GARIN2: variants seen among roughly 807,000 people sequenced by gnomAD.
GARIN2 encodes the protein Golgi-associated RAB2 interactor protein 2.
the GARIN2 span, chr14:67,199,402 G>A: frequency 1.3e-5 from 21 of 1,613,836 alleles, no homozygotes; most frequent in Non-Finnish European, 1.8e-5. Flanking sequence ...TTGATGAGAA[G>A]TTGCTTTATG....
chr14:67,224,787 T>G, the GARIN2 span: 1 of 246,982 alleles, frequency 4.0e-6, no homozygotes, highest in Non-Finnish European at 7.9e-6. Flanking sequence ...CATCTTTCTT[T>G]TCCATGTTCC....
At chr14:67,226,835 A>G in the GARIN2 span, among the ~76,000 whole-genome samples, 1 of 152,160 alleles carries the variant, frequency 6.6e-6, no homozygotes. Context: ...TTCCCCCTTA[A>G]GAATGCTCCT....
chr14:67,220,796 C>G, the GARIN2 span, among the ~76,000 whole-genome samples: 1 of 152,258 alleles, frequency 6.6e-6, no homozygotes. Context: ...TTGATAAAGA[C>G]TATATGAATA....
At chr14:67,203,567 A>G in the GARIN2 span, among the ~76,000 whole-genome samples, 2 of 152,196 alleles carry the variant, frequency 1.3e-5, no homozygotes, top group Non-Finnish European at 2.9e-5. Context: ...CTCCTCTTCC[A>G]CAGCATCCCA....
the GARIN2 span, among the ~76,000 whole-genome samples, chr14:67,225,988 T>C: frequency 1.5e-5 from 2 of 136,862 alleles, no homozygotes; most frequent in Admixed American, 7.3e-5. Context: ...CGCATGCGCG[T>C]GCATGCTCAT....
chr14:67,196,223 CTT>C, the GARIN2 span, among the ~76,000 whole-genome samples: 11 of 143,032 alleles, frequency 7.7e-5, no homozygotes, highest in Admixed American at 7.0e-5. Context: ...TTCTTTCTTT[CTT>C]TTTTTTTTTT....
chr14:67,198,015 G>C, the GARIN2 span: 5 of 861,928 alleles, frequency 5.8e-6, no homozygotes, highest in South Asian at 9.1e-5. Flanking sequence ...CAAGTGCCTG[G>C]TGCAGTGCCA....
At chr14:67,199,382 G>A in the GARIN2 span, 1 of 1,613,994 alleles carries the variant, frequency 6.2e-7, no homozygotes, top group Non-Finnish European at 8.5e-7. Flanking sequence ...TGGGAACCTG[G>A]ACCCTGAGAT....
the GARIN2 span, chr14:67,222,030 T>C: frequency 3.9e-6 from 2 of 518,830 alleles, no homozygotes; most frequent in Non-Finnish European, 6.5e-6. Context: ...ATTATGGTAC[T>C]TTACTACTTC....
At chr14:67,190,549 T>G in the GARIN2 span, among the ~76,000 whole-genome samples, 1 of 152,226 alleles carries the variant, frequency 6.6e-6, no homozygotes, top group Non-Finnish European at 1.5e-5. Context: ...TTTTTCAGAC[T>G]GTTATCCCAA....
At chr14:67,204,764 G>A in the GARIN2 span, 8 of 1,607,386 alleles carry the variant, frequency 5.0e-6, no homozygotes, top group Non-Finnish European at 6.8e-6. Context: ...ATTACGAATA[G>A]CACAGACATC....
the GARIN2 span, among the ~76,000 whole-genome samples, chr14:67,191,234 A>G: frequency 6.9e-6 from 1 of 145,894 alleles, no homozygotes; most frequent in East Asian, 2.0e-4. Flanking sequence ...ACTCCGTCTC[A>G]AAAAAAAACA....
chr14:67,195,500 A>G, the GARIN2 span, among the ~76,000 whole-genome samples: 86 of 152,278 alleles, frequency 5.6e-4, no homozygotes, highest in East Asian at 2.1e-3. Flanking sequence ...TGTGAACCGT[A>G]GACACACCCT....
chr14:67,218,094 T>A, the GARIN2 span, among the ~76,000 whole-genome samples: 6 of 152,210 alleles, frequency 3.9e-5, no homozygotes, highest in African/African-American at 1.2e-4. Flanking sequence ...GCATCAGTGG[T>A]GCAGCTTTGC....
chr14:67,196,931 C>T, the GARIN2 span: 2 of 151,562 alleles, frequency 1.3e-5, no homozygotes, highest in East Asian at 1.9e-4. Flanking sequence ...CAAATTAGTG[C>T]TTTTTTTTTC....
At chr14:67,208,293 C>T in the GARIN2 span, 1 of 1,613,964 alleles carries the variant, frequency 6.2e-7, no homozygotes, top group African/African-American at 1.3e-5. Flanking sequence ...GTCACCATCT[C>T]AAACATAACA....
chr14:67,198,318 C>T, the GARIN2 span: 1 of 1,610,648 alleles, frequency 6.2e-7, no homozygotes, highest in East Asian at 2.2e-5. Flanking sequence ...CAATTTTATC[C>T]AGGTAAATCA....
the GARIN2 span, chr14:67,200,355 T>A: frequency 1.6e-6 from 1 of 637,020 alleles, no homozygotes; most frequent in Non-Finnish European, 2.8e-6. Context: ...TCCTATTACA[T>A]CTTCCCAATA....
chr14:67,223,738 T>C, the GARIN2 span: 1 of 984,328 alleles, frequency 1.0e-6, no homozygotes, highest in Non-Finnish European at 1.2e-6. Context: ...GTTTTCCCAC[T>C]TTTTTCTTAC....
Sources: allele counts gnomAD v4.1 joint callset (sites outside exome capture counted in the v4.1 genomes callset), GRCh38; gene constraint gnomAD v4.1.1; transcripts MANE v1.5; gene names NCBI Gene and HGNC (gene_info 2026-07-23, HGNC 2026-07-21).